Variants in MLIP observed in about 807,000 individuals in gnomAD.
MLIP encodes muscular LMNA interacting protein, also known as muscular LMNA-interacting protein.
Under a neutral mutation model 84.8 loss-of-function variants are expected in MLIP, and 79 were observed. That is an observed-to-expected ratio of 0.93 (90% CI 0.78 to 1.12). The LOEUF (loss-of-function observed/expected upper bound fraction) is 1.12, where lower values mean the gene tolerates loss of function less well. Among genes scored for constraint, MLIP ranks in the 50% most tolerant of loss-of-function variants. The pLI is 0.00. For synonymous variants in MLIP, 504 were observed against 463.0 expected (o/e 1.09, Z -1.14); for missense variants, 1,257 against 1,160.6 (o/e 1.08, Z -1.21).
chr6:54,220,356 T>C (rs1380820290), intron 11 of MLIP, among the ~76,000 whole-genome samples: 1 of 152,192 alleles, frequency 6.6e-6, no homozygotes, highest in Non-Finnish European at 1.5e-5. Flanking sequence ...CTCAATATTA[T>C]AATGTGTAAA....
At chr6:54,232,607 C>G (rs953857233) in intron 12 of MLIP, among the ~76,000 whole-genome samples, 2 of 152,140 alleles carry the variant, frequency 1.3e-5, no homozygotes, top group Non-Finnish European at 2.9e-5. Context: ...TATTAAAGTA[C>G]ATGAATTACC....
chr6:54,150,145 C>A (rs1176226295), intron 5 of MLIP, among the ~76,000 whole-genome samples: 2 of 152,082 alleles, frequency 1.3e-5, no homozygotes, highest in African/African-American at 4.8e-5. Context: ...GATCTCTTAT[C>A]TAATAAGTAG....
rs549219998 is a variant in MLIP, at chr6:54,152,659, G to T, written c.2289+3532G>T. ...CAATTCAAATTGAGATTTGGGAGGG[G>T]TCACAGCCAAACCATATCAGTCTTG... On this transcript the variant is annotated intron_variant, in intron 5 of 13. Coordinates refer to ENST00000502396, the MANE Select transcript of MLIP (RefSeq NM_001281747.2). Among the ~76,000 whole-genome samples the T allele has an allele frequency of 3.9e-5, 6 of 152,212 alleles. No homozygotes were observed. The South Asian group carries it at 1.2e-3, about 32-fold the overall frequency.
rs996075475 is a variant in MLIP at position 54,124,581 on chromosome 6, G to A, written c.361G>A (p.Glu121Lys). ...EVSGTILQER[E>K]FEANKLQGMQ... is the part of the protein sequence containing the mutation. Reference sequence around the variant, plus strand: ...CAGTGGAACGATTTTACAAGAAAGGGAATTCGAAGCAAACAAACTTCAAGG... The same window carrying A: ...CAGTGGAACGATTTTACAAGAAAGGAAATTCGAAGCAAACAAACTTCAAGG... Residue 121 changes from glutamate to lysine, a missense_variant, in exon 3 of 14, where the codon GAA becomes AAA. Glu to Lys is a moderately conservative substitution (Grantham distance 56). Coordinates refer to ENST00000502396, the MANE Select transcript of MLIP (RefSeq NM_001281747.2). 16 of 1,614,066 alleles carry A rather than the reference G, an allele frequency of 9.9e-6. No individual in the cohort carries two copies. Among genetic ancestry groups the A allele is most frequent in the Non-Finnish European group, 1.2e-5 (14 of 1,180,038 alleles).
chr6:54,244,087 A>C (rs544422039), intron 12 of MLIP, among the ~76,000 whole-genome samples: 1 of 152,214 alleles, frequency 6.6e-6, no homozygotes, highest in Admixed American at 6.5e-5. Context: ...TTATTGAAAA[A>C]AGTCATCTTG....
At chr6:54,242,644 G>A (rs1340869738) in intron 12 of MLIP, among the ~76,000 whole-genome samples, 1 of 152,118 alleles carries the variant, frequency 6.6e-6, no homozygotes, top group Non-Finnish European at 1.5e-5. Flanking sequence ...CTGCTTCAAA[G>A]GCTGAGAGGG....
At chr6:54,211,104 G>A (rs1779419718) in intron 11 of MLIP, among the ~76,000 whole-genome samples, 1 of 152,132 alleles carries the variant, frequency 6.6e-6, no homozygotes, top group Non-Finnish European at 1.5e-5. Context: ...GCTGGGCGTG[G>A]TGGCGGGTGC....
chr6:54,036,241 G>GTTTT (rs10558454), intron 1 of MLIP, among the ~76,000 whole-genome samples: 2 of 141,626 alleles, frequency 1.4e-5, no homozygotes, highest in African/African-American at 5.1e-5. Context: ...AGTCACCACT[G>GTTTT]TTTTTTTTTT....
At chr6:54,166,810 C>T (rs1775241650) in intron 8 of MLIP, among the ~76,000 whole-genome samples, 1 of 151,972 alleles carries the variant, frequency 6.6e-6, no homozygotes, top group African/African-American at 2.4e-5. Flanking sequence ...AAATACCTAT[C>T]TTCATTTCCA....
intron 11 of MLIP, chr6:54,215,235 C>CTG: frequency 6.6e-7 from 1 of 1,524,500 alleles, no homozygotes; most frequent in South Asian, 1.2e-5. Context: ...TGGCTAGTTA[C>CTG]TGTAGCCTTT....
At chr6:54,045,121 G>T (rs569894199) in intron 1 of MLIP, among the ~76,000 whole-genome samples, 1 of 152,036 alleles carries the variant, frequency 6.6e-6, no homozygotes, top group Non-Finnish European at 1.5e-5. Context: ...GGCCGAGGTG[G>T]GCAGTTCACT....
chr6:54,124,919 T>C, intron 3 of MLIP, 54 bp downstream of exon 3: 1 of 1,496,334 alleles, frequency 6.7e-7, no homozygotes, highest in Non-Finnish European at 8.9e-7. Flanking sequence ...TTATGCACCC[T>C]TTGTCTTGGG....
intron 11 of MLIP, among the ~76,000 whole-genome samples, chr6:54,214,463 T>C (rs1042272490): frequency 2.0e-5 from 3 of 152,208 alleles, no homozygotes; most frequent in African/African-American, 7.2e-5. Flanking sequence ...ACAGTGGTCA[T>C]GGGGACCTTG....
At position 54,083,660 on chromosome 6, in the gene MLIP, C is replaced by A. The variant is rs1040941965; in HGVS notation, c.64-37787C>A. 6 of 1,526,436 alleles carry A rather than the reference C, an allele frequency of 3.9e-6. No individual in the cohort carries two copies. The African/African-American group carries it at 5.5e-5, about 14-fold the overall frequency. The allele number at this position is 1,526,436 out of a possible 1,614,324, so 94.6% of individuals were successfully genotyped here. On this transcript the variant is annotated intron_variant, in intron 1 of 12. Coordinates refer to the MLIP transcript ENST00000274897. ...TTAGTACAATTCCTTGATACTGTCA[C>A]CCTGTTATACATTTAACATCAATGA...
rs1777142161 is a variant in MLIP, at chr6:54,183,897, G to A, written c.2545-5973G>A. 2.6e-5 allele frequency among the ~76,000 whole-genome samples: 4 copies of A among 152,102 alleles called. No individual in the cohort carries two copies. The South Asian group carries it at 8.3e-4, about 32-fold the overall frequency. On this transcript the variant is annotated intron_variant, in intron 9 of 13. Coordinates refer to ENST00000502396, the MANE Select transcript of MLIP (RefSeq NM_001281747.2). ...CAGTTCAAAGTAAGGAAGGCATGAT[G>A]TGTCATAATTTATCTCATGGCCTTG...
intron 8 of MLIP, among the ~76,000 whole-genome samples, chr6:54,168,804 A>C (rs1775461984): frequency 6.6e-6 from 1 of 150,942 alleles, no homozygotes; most frequent in African/African-American, 2.4e-5. Flanking sequence ...TGCTTCTCAG[A>C]TACAAGTATG....
chr6:54,116,458 C>T (rs1360610664), intron 1 of MLIP, among the ~76,000 whole-genome samples: 3 of 152,176 alleles, frequency 2.0e-5, no homozygotes, highest in African/African-American at 7.2e-5. Flanking sequence ...TAGAACACTA[C>T]TGTAAACAAT....
chr6:54,218,516 C>A (rs1317936097), intron 11 of MLIP, among the ~76,000 whole-genome samples: 1 of 152,022 alleles, frequency 6.6e-6, no homozygotes, highest in Non-Finnish European at 1.5e-5. Context: ...TTAGACTACA[C>A]TAAATTTATT....
chr6:54,263,911 T>C (rs1783539050), intron 13 of MLIP, among the ~76,000 whole-genome samples: 1 of 152,134 alleles, frequency 6.6e-6, no homozygotes, highest in Non-Finnish European at 1.5e-5. Context: ...TTGTTGATGA[T>C]TCTCACTTTT....
Sources: allele counts gnomAD v4.1 joint callset (sites outside exome capture counted in the v4.1 genomes callset), GRCh38; gene constraint gnomAD v4.1.1; transcripts MANE v1.5; gene names NCBI Gene and HGNC (gene_info 2026-07-23, HGNC 2026-07-21).